The following RB1CC1 variants were observed in gnomAD, a reference collection of about 807,000 sequenced individuals.
The protein encoded by RB1CC1 is RB1-inducible coiled-coil protein 1.
A neutral mutation model predicts 177.5 loss-of-function variants in RB1CC1; 46 were observed. The observed-to-expected ratio is 0.26, with a 90% CI of 0.20 to 0.33. The LOEUF (loss-of-function observed/expected upper bound fraction) is 0.33, where lower values mean the gene tolerates loss of function less well. Ranked by LOEUF, RB1CC1 falls within the 10% of genes least tolerant of loss-of-function variation. The pLI is 1.00. For missense variants in RB1CC1, 1,703 were observed against 1,816.3 expected (o/e 0.94, Z 1.13); for synonymous variants, 666 against 613.6 (o/e 1.09, Z -1.26).
intron 15 of RB1CC1, among the ~76,000 whole-genome samples, chr8:52,646,907 A>G (rs1850096590): frequency 6.6e-6 from 1 of 152,194 alleles, no homozygotes; most frequent in Non-Finnish European, 1.5e-5. Flanking sequence ...ATTAGTATTA[A>G]AACATGCTAA....
chr8:52,658,072 G>A lies in RB1CC1; in HGVS notation c.1846C>T (p.His616Tyr), dbSNP rs1851235707. Residue 616 changes from histidine (H) to tyrosine (Y), a missense_variant, in exon 14 of 24, where the codon CAT (histidine) becomes TAT (tyrosine). Physicochemically the swap from His to Tyr is moderately conservative, Grantham distance 83. Around this residue, in one of 6 missense-constraint regions of RB1CC1, gnomAD observed 1,169 missense variants for 1,184.7 expected, o/e 0.99. Coordinates refer to ENST00000025008, the MANE Select transcript of RB1CC1 (RefSeq NM_014781.5). ...EPLHQHVLAL[H>Y]NLVKAAQSLD... Reference sequence around the variant, plus strand: ...CTTTGTGCTGCTTTTACCAAATTATGTAGAGCAAGTACATGCTGGTGTAGA... The same window carrying A: ...CTTTGTGCTGCTTTTACCAAATTATATAGAGCAAGTACATGCTGGTGTAGA... The A allele has an allele frequency of 6.2e-7, 1 of 1,613,956 alleles. No homozygotes were observed. The highest frequency in any genetic ancestry group is 1.1e-5 in the South Asian group (1 of 91,076).
chr8:52,634,181 A>G (rs1019486448), intron 20 of RB1CC1, among the ~76,000 whole-genome samples: 38 of 152,070 alleles, frequency 2.5e-4, no homozygotes, highest in Admixed American at 2.0e-3. Flanking sequence ...AATTTACAGT[A>G]CCACATGGGA....
intron 7 of RB1CC1, among the ~76,000 whole-genome samples, chr8:52,671,322 G>A (rs939262226): frequency 1.3e-5 from 2 of 152,116 alleles, no homozygotes; most frequent in Non-Finnish European, 2.9e-5. Context: ...CTGCAAAAAC[G>A]ATAGATTTAA....
chr8:52,702,699 A>G (rs111382111), intron 1 of RB1CC1, among the ~76,000 whole-genome samples: 26 of 152,188 alleles, frequency 1.7e-4, no homozygotes, highest in East Asian at 7.7e-4. Flanking sequence ...TGGTTGGCAG[A>G]GTGAGACTCA....
At chr8:52,676,127 C>A (rs1853102935) in intron 6 of RB1CC1, among the ~76,000 whole-genome samples, 1 of 151,968 alleles carries the variant, frequency 6.6e-6, no homozygotes, top group Admixed American at 6.6e-5. Context: ...GTATTTGGAG[C>A]CTTATTACAA....
chr8:52,642,253 G>T, intron 18 of RB1CC1, 98 bp downstream of exon 18: 1 of 1,432,032 alleles, frequency 7.0e-7, no homozygotes, highest in Non-Finnish European at 9.4e-7. Context: ...CATGGGCTGT[G>T]GACAACCAGT....
intron 1 of RB1CC1, among the ~76,000 whole-genome samples, chr8:52,689,866 A>G (rs928388099): frequency 6.6e-6 from 1 of 151,904 alleles, no homozygotes; most frequent in Non-Finnish European, 1.5e-5. Context: ...TGGGAGGCGG[A>G]GGTTGCAGTG....
Position 52,657,806 on chromosome 8 carries a change from T to G in RB1CC1, c.2023A>C (p.Thr675Pro), listed in dbSNP as rs1456202398. Residue 675 changes from threonine to proline, a missense_variant, in exon 15 of 24, where the codon ACT becomes CCT. By Grantham distance (38) the Thr-to-Pro change is conservative (BLOSUM62 -1). This residue lies in a region of RB1CC1 where 1,169 missense variants were observed against 1,184.7 expected (regional missense o/e 0.99). Transcript: ENST00000025008. ...TTSPRTPPPL[T>P]VQDPLCPAVC... ...GCAGGACATAAGGGATCCTGAACAG[T>G]CAGTGGTGGAGGAGTTCTCGGTGAG... 6.2e-7 allele frequency: 1 copy of G among 1,613,798 alleles called. No individual in the cohort carries two copies. Among genetic ancestry groups the G allele is most frequent in the Non-Finnish European group, 8.5e-7 (1 of 1,179,908 alleles).
chr8:52,657,678 A>T lies in RB1CC1; in HGVS notation c.2151T>A (p.Val717=). ...CTGCTAATGAATCCAAGTCTAAAGA[A>T]ACTTGGTGAATAGTCTGTTCTATGT... The part of the protein sequence containing the change: ...HPNIEQTIHQ[V]SLDLDSLAES... The change falls in exon 15 of 24, where the codon GTT becomes GTA. Residue 717 remains valine, a synonymous_variant. Transcript: ENST00000025008. The T allele has an allele frequency of 6.2e-7, 1 of 1,614,124 alleles. No individual in the cohort carries two copies. Among genetic ancestry groups the T allele is most frequent in the Non-Finnish European group, 8.5e-7 (1 of 1,179,970 alleles).
intron 22 of RB1CC1, among the ~76,000 whole-genome samples, chr8:52,625,895 A>T (rs1354202082): frequency 6.6e-6 from 1 of 152,188 alleles, no homozygotes; most frequent in Non-Finnish European, 1.5e-5. Context: ...CTTTGAAAGA[A>T]GGCATACGGA....
rs567853198 is a variant in RB1CC1, at chr8:52,671,152, A to G, written c.1002+2693T>C. On this transcript the variant is annotated intron_variant, in intron 7 of 23. Transcript: ENST00000025008. ...ATGTTAAGTGACTTATGGATGACAGATAGTAAATGAATCTCAATGCCCAGA... is the reference window on the plus strand; with the variant it reads ...ATGTTAAGTGACTTATGGATGACAGGTAGTAAATGAATCTCAATGCCCAGA... Among the ~76,000 whole-genome samples, 175 of 152,336 alleles carry G rather than the reference A, an allele frequency of 1.1e-3. 2 individuals carry two copies. Among genetic ancestry groups the G allele is most frequent in the Non-Finnish European group, 2.0e-3 (139 of 68,024 alleles).
At chr8:52,681,899 G>A (rs779435691) in intron 5 of RB1CC1, among the ~76,000 whole-genome samples, 11 of 152,254 alleles carry the variant, frequency 7.2e-5, no homozygotes, top group Non-Finnish European at 1.3e-4. Context: ...CCCTCATGGA[G>A]AACCTGTTAG....
chr8:52,630,722 G>GA (rs1014102956), intron 20 of RB1CC1, among the ~76,000 whole-genome samples, 194 bp from the exon 21 acceptor site: 1 of 151,998 alleles, frequency 6.6e-6, no homozygotes, highest in Non-Finnish European at 1.5e-5. Flanking sequence ...ATTAAAAACT[G>GA]ATTTTTGAAT....
intron 5 of RB1CC1, among the ~76,000 whole-genome samples, chr8:52,681,186 C>T (rs1853686317): frequency 6.6e-6 from 1 of 151,812 alleles, no homozygotes; most frequent in East Asian, 1.9e-4. Flanking sequence ...TAAGTAGAGA[C>T]AGGGTTTCAC....
intron 11 of RB1CC1, 98 bp from the exon 12 acceptor site, chr8:52,660,755 C>A (rs1851541298): frequency 8.1e-7 from 1 of 1,236,990 alleles, no homozygotes. Flanking sequence ...GTTGACAGTA[C>A]TTCAAGTTTA....
intron 1 of RB1CC1, among the ~76,000 whole-genome samples, chr8:52,691,226 G>T (rs1351988087): frequency 1.3e-5 from 2 of 152,116 alleles, no homozygotes; most frequent in East Asian, 3.9e-4. Context: ...AGAAGCTTTA[G>T]AAATCGTTAG....
At chr8:52,627,791 G>T (rs1294441877) in intron 22 of RB1CC1, among the ~76,000 whole-genome samples, 1 of 152,122 alleles carries the variant, frequency 6.6e-6, no homozygotes, top group African/African-American at 2.4e-5. Context: ...GTTATGAGAT[G>T]TCCGAATCAC....
rs746797101 is a variant in RB1CC1 at position 52,661,214 on chromosome 8, C to A, written c.1426G>T (p.Val476Leu). The change falls in exon 10 of 24, where the codon GTA becomes TTA. Residue 476 changes from valine to leucine, a missense_variant. This residue lies in a region of RB1CC1 where 1,169 missense variants were observed against 1,184.7 expected (regional missense o/e 0.99). Transcript: ENST00000025008. ...GEKLQALLRLVIELLERVKIV... is the reference protein window; with the variant it reads ...GEKLQALLRLLIELLERVKIV... ...TTGACTCTTTCTAACAGCTCTATTACGAGGCGGAGCAAAGCTTGTAACTTC... is the reference window on the plus strand; with the variant it reads ...TTGACTCTTTCTAACAGCTCTATTAAGAGGCGGAGCAAAGCTTGTAACTTC... 2 of 1,613,862 alleles carry A rather than the reference C, an allele frequency of 1.2e-6. No individual in the cohort carries two copies. Among genetic ancestry groups the A allele is most frequent in the East Asian group, 4.5e-5 (2 of 44,830 alleles).
At chr8:52,688,785 G>A (rs758839294) in intron 1 of RB1CC1, among the ~76,000 whole-genome samples, 30 of 152,078 alleles carry the variant, frequency 2.0e-4, no homozygotes, top group Non-Finnish European at 4.0e-4. Flanking sequence ...GGCTTATGCG[G>A]GCATCACTGT....
Sources: allele counts gnomAD v4.1 joint callset (sites outside exome capture counted in the v4.1 genomes callset), GRCh38; gene constraint gnomAD v4.1.1; regional missense constraint gnomAD v4.1.1; transcripts MANE v1.5; gene names NCBI Gene and HGNC (gene_info 2026-07-23, HGNC 2026-07-21).